Variants in METTL24 observed in about 807,000 individuals in gnomAD.
METTL24 encodes probable methyltransferase-like protein 24.
A neutral mutation model predicts 32.7 loss-of-function variants in METTL24; 29 were observed. The observed-to-expected ratio is 0.89, with a 90% CI of 0.66 to 1.21. METTL24 has a LOEUF of 1.21. Among genes scored for constraint, METTL24 ranks in the 50% most tolerant of loss-of-function variants. The pLI is 0.00. For missense variants in METTL24, 439 were observed against 468.1 expected (o/e 0.94, Z 0.57); for synonymous variants, 163 against 179.5 (o/e 0.91, Z 0.73).
chr6:110,319,270 ATG>A (rs58600122), intron 2 of METTL24, among the ~76,000 whole-genome samples: 37,965 of 148,044 alleles, frequency 0.26, 8,853 homozygotes, highest in African/African-American at 0.62. Context: ...CTGTGTGTGT[ATG>A]TGTGTGTGTG....
intron 3 of METTL24, among the ~76,000 whole-genome samples, chr6:110,302,399 C>T (rs1414518256): frequency 6.7e-6 from 1 of 149,948 alleles, no homozygotes; most frequent in Non-Finnish European, 1.5e-5. Flanking sequence ...TTTCAAGGAA[C>T]AATATTGAGG....
intron 2 of METTL24, among the ~76,000 whole-genome samples, chr6:110,319,423 A>ATGGATAGATG (rs1429291050): frequency 2.5e-4 from 27 of 107,928 alleles, no homozygotes; most frequent in African/African-American, 8.1e-4. Flanking sequence ...AGGTAGAGAT[A>ATGGATAGATG]GATAGATAGA....
intron 1 of METTL24, 62 bp downstream of exon 1, chr6:110,357,893 C>A: frequency 9.9e-7 from 1 of 1,013,928 alleles, no homozygotes; most frequent in Non-Finnish European, 1.2e-6. Context: ...CGCCGGGCTC[C>A]GTAGCGCGGT....
At position 110,245,101 on chromosome 6, in the gene METTL24, T is replaced by C. The variant is rs1278373912; in HGVS notation, c.*845A>G. 6.6e-6 allele frequency among the ~76,000 whole-genome samples: 1 copy of C among 152,248 alleles called. No individual in the cohort carries two copies. The highest frequency in any genetic ancestry group is 1.9e-4 in the East Asian group (1 of 5,202). ...CCAGATCTTTAGTTAAACATTATTC[T>C]AGGTGTATCTGTAAGGATATTTCCA... On this transcript the variant is annotated 3_prime_UTR_variant, in exon 5 of 5. Transcript: ENST00000338882.
intron 4 of METTL24, among the ~76,000 whole-genome samples, chr6:110,270,750 T>C (rs1355909074): frequency 6.6e-6 from 1 of 152,186 alleles, no homozygotes; most frequent in Non-Finnish European, 1.5e-5. Context: ...ACCACTGTTT[T>C]CCATAAATGT....
chr6:110,330,443 G>A (rs1481287241), intron 1 of METTL24, among the ~76,000 whole-genome samples: 7 of 152,220 alleles, frequency 4.6e-5, no homozygotes, highest in Non-Finnish European at 8.8e-5. Flanking sequence ...TTCAAAAACC[G>A]TAGGGAACTG....
intron 1 of METTL24, among the ~76,000 whole-genome samples, chr6:110,349,430 A>G (rs1204057803): frequency 6.6e-6 from 1 of 152,214 alleles, no homozygotes; most frequent in African/African-American, 2.4e-5. Flanking sequence ...AGCACAGAGC[A>G]GCACCCCACA....
intron 1 of METTL24, among the ~76,000 whole-genome samples, chr6:110,354,601 T>C (rs762021839): frequency 1.3e-5 from 2 of 152,248 alleles, no homozygotes; most frequent in African/African-American, 2.4e-5. Flanking sequence ...CCTAATTTTA[T>C]TTCAATTACT....
In METTL24 at chr6:110,326,477, C is replaced by T. The variant is rs907610791; in HGVS notation, c.319-3605G>A. Among the ~76,000 whole-genome samples, 5 of 151,992 alleles carry T rather than the reference C, an allele frequency of 3.3e-5. No homozygotes were observed. In the East Asian group the frequency reaches 5.8e-4, roughly 18 times the overall value. On this transcript the variant is annotated intron_variant, in intron 1 of 4. Transcript: ENST00000338882. ...CCTGTCTTTTGTTAAGAGTGTTGGC[C>T]GTATGCTTATGGTGAGTGAGGAAAG... is the stretch of plus-strand genomic sequence containing the variant.
chr6:110,297,667 T>C (rs897646068), intron 4 of METTL24, among the ~76,000 whole-genome samples: 1 of 152,052 alleles, frequency 6.6e-6, no homozygotes, highest in Non-Finnish European at 1.5e-5. Context: ...AACAAAACCC[T>C]AAATAAAGTT....
chr6:110,304,686 A>G (rs894637945), intron 3 of METTL24, among the ~76,000 whole-genome samples: 4 of 152,232 alleles, frequency 2.6e-5, no homozygotes, highest in Admixed American at 6.5e-5. Flanking sequence ...GACCAAACCT[A>G]TAATTGATTG....
At chr6:110,280,921 G>T (rs1160700431) in intron 4 of METTL24, among the ~76,000 whole-genome samples, 2 of 152,066 alleles carry the variant, frequency 1.3e-5, no homozygotes, top group Non-Finnish European at 2.9e-5. Context: ...TCTAAGTGCT[G>T]GGATTACAGG....
At chr6:110,265,161 GAAA>G (rs1770830287) in intron 4 of METTL24, among the ~76,000 whole-genome samples, 1 of 146,772 alleles carries the variant, frequency 6.8e-6, no homozygotes, top group Admixed American at 6.8e-5. Flanking sequence ...AAGAAAGAAA[GAAA>G]GAAAGAAAGA....
At chr6:110,265,979 C>A (rs1770851435) in intron 4 of METTL24, among the ~76,000 whole-genome samples, 1 of 151,852 alleles carries the variant, frequency 6.6e-6, no homozygotes, top group East Asian at 1.9e-4. Context: ...CAGCTCACTG[C>A]AATCTCAAGC....
chr6:110,333,689 A>G (rs993470123), intron 1 of METTL24, among the ~76,000 whole-genome samples: 4 of 152,046 alleles, frequency 2.6e-5, no homozygotes, highest in Non-Finnish European at 4.4e-5. Context: ...TGACCTGCCC[A>G]CCTCGGCCTC....
At chr6:110,332,708 G>A (rs138146676) in intron 1 of METTL24, among the ~76,000 whole-genome samples, 142 of 152,190 alleles carry the variant, frequency 9.3e-4, no homozygotes, top group African/African-American at 3.3e-3. Flanking sequence ...AGGAGTTCAA[G>A]ACCAGCCTGG....
chr6:110,267,165 GT>G (rs1324932746), intron 4 of METTL24, among the ~76,000 whole-genome samples: 1 of 152,204 alleles, frequency 6.6e-6, no homozygotes, highest in African/African-American at 2.4e-5. Context: ...TTTATGGTAA[GT>G]CCCCTCTGCT....
At chr6:110,280,006 G>T (rs149005267) in intron 4 of METTL24, among the ~76,000 whole-genome samples, 3 of 152,108 alleles carry the variant, frequency 2.0e-5, no homozygotes, top group Non-Finnish European at 4.4e-5. Flanking sequence ...CAGAGCAGGC[G>T]CAAGAGACAG....
chr6:110,358,154 G>C lies in METTL24; in HGVS notation c.119C>G (p.Ser40Cys). ...CAELRRAGPG[S>C]PTRSAPPGPA... Reference sequence around the variant, plus strand: ...GCCCGGCGGGGCGCTGCGGGTGGGGGACCCGGGCCCGGCGCGCCGCAGCTC... The same window carrying C: ...GCCCGGCGGGGCGCTGCGGGTGGGGCACCCGGGCCCGGCGCGCCGCAGCTC... The change falls in exon 1 of 5, where the codon TCC becomes TGC. Residue 40 changes from serine (S) to cysteine (C), a missense_variant. Physicochemically the swap from Ser to Cys is moderately radical, Grantham distance 112. Coordinates refer to ENST00000338882, the MANE Select transcript of METTL24 (RefSeq NM_001123364.3). The C allele has an allele frequency of 1.7e-6, 2 of 1,191,180 alleles. No individual in the cohort carries two copies. Among genetic ancestry groups the C allele is most frequent in the East Asian group, 3.6e-5 (1 of 27,996 alleles). 73.8% of individuals were successfully genotyped at this position (1,191,180 alleles called of 1,614,324 possible).
Sources: gnomAD v4.1 joint callset for allele counts (sites outside exome capture counted in the v4.1 genomes callset) on GRCh38, gnomAD v4.1.1 for gene constraint, MANE v1.5 for transcripts, NCBI Gene and HGNC (gene_info 2026-07-23, HGNC 2026-07-21) for gene names.